RRM2: variants seen among roughly 807,000 people sequenced by gnomAD.
The protein encoded by RRM2 is ribonucleoside-diphosphate reductase subunit M2.
Under a neutral mutation model 45.9 loss-of-function variants are expected in RRM2, and 6 were observed. That is an observed-to-expected ratio of 0.13 (90% confidence interval 0.07 to 0.26). The LOEUF (loss-of-function observed/expected upper bound fraction) is 0.26. Among genes scored for constraint, RRM2 ranks in the 10% least tolerant of loss-of-function variants. RRM2 has a pLI of 1.00. For synonymous variants in RRM2, 177 were observed against 173.0 expected (o/e 1.02, Z -0.18); for missense variants, 343 against 489.5 (o/e 0.70, Z 2.82).
At chr2:10,154,332 C>G (rs1156330360) in intron 3 of RRM2, among the ~76,000 whole-genome samples, 2 of 148,284 alleles carry the variant, frequency 1.3e-5, no homozygotes, top group Non-Finnish European at 3.0e-5. Context: ...CAAAAATTAG[C>G]TGGGTGTGGT....
intron 4 of RRM2, 68 bp from the exon 5 acceptor site, chr2:10,124,649 C>T: frequency 6.4e-7 from 1 of 1,565,816 alleles, no homozygotes; most frequent in South Asian, 1.1e-5. Context: ...GCGATGCTGC[C>T]AGTATCCGTT....
downstream of RRM2, among the ~76,000 whole-genome samples, chr2:10,134,127 G>C (rs895294705): frequency 6.9e-6 from 1 of 144,632 alleles, no homozygotes; most frequent in Non-Finnish European, 1.5e-5. Context: ...GTAGTGAGCT[G>C]AGATTGCACT....
chr2:10,133,508 G>T (rs924421931), downstream of RRM2, among the ~76,000 whole-genome samples: 4 of 152,160 alleles, frequency 2.6e-5, no homozygotes, highest in Non-Finnish European at 5.9e-5. Flanking sequence ...CCTGATAATG[G>T]TTTAACTCCT....
At chr2:10,209,403 G>A (rs1341222022) in intron 3 of RRM2, among the ~76,000 whole-genome samples, 2 of 152,006 alleles carry the variant, frequency 1.3e-5, no homozygotes, top group Non-Finnish European at 2.9e-5. Flanking sequence ...CTGCTCCCCT[G>A]CCCCACACAC....
At chr2:10,198,786 G>C (rs573691947) in intron 3 of RRM2, 3 of 152,216 alleles carry the variant, frequency 2.0e-5, no homozygotes, top group Non-Finnish European at 1.5e-5. Flanking sequence ...TAAGGGTTTA[G>C]GGAGGGAGAG....
chr2:10,164,460 A>G (rs1663639558), intron 3 of RRM2, among the ~76,000 whole-genome samples: 1 of 152,212 alleles, frequency 6.6e-6, no homozygotes, highest in African/African-American at 2.4e-5. Context: ...GCTGAGGGTC[A>G]CTGTAACGAC....
chr2:10,193,562 G>A (rs1013018821), intron 3 of RRM2, among the ~76,000 whole-genome samples: 7 of 152,238 alleles, frequency 4.6e-5, no homozygotes, highest in African/African-American at 1.7e-4. Flanking sequence ...TCCTGCTCAG[G>A]GGCGGAGGGC....
Position 10,122,744 on chromosome 2 carries a change from C to CCCTGTCCCAGCCGT in RRM2, c.-47_-34dup, listed in dbSNP as rs1181951702. ...GCTGGAGTGAGGGGTCGCCCGTGCA[C>CCCTGTCCCAGCCGT]CCTGTCCCAGCCGTCCTGTCCTGGC... On this transcript the variant is annotated 5_prime_UTR_variant, in exon 1 of 10. Coordinates refer to ENST00000304567, the MANE Select transcript of RRM2 (RefSeq NM_001034.4). The CCCTGTCCCAGCCGT allele has an allele frequency of 1.3e-6, 2 of 1,554,836 alleles. No homozygotes were observed. The highest frequency in any genetic ancestry group is 2.4e-5 in the East Asian group (1 of 41,474).
rs1354198857 is a variant in RRM2 at position 10,122,825 on chromosome 2, G to A, written c.27G>A (p.Ala9=). MLSLRVPL[A]PITDPQQLQL... is the part of the protein sequence containing the mutation. ...TGCTCTCCCTCCGTGTCCCGCTCGC[G>A]CCCATCACGGACCCGCAGCAGCTGC... The change falls in exon 1 of 10, where the codon GCG becomes GCA. Residue 9 remains alanine, a synonymous_variant. Coordinates refer to ENST00000304567, the MANE Select transcript of RRM2 (RefSeq NM_001034.4). The A allele has an allele frequency of 3.1e-6, 5 of 1,598,070 alleles. No individual in the cohort carries two copies. Among genetic ancestry groups the A allele is most frequent in the Non-Finnish European group, 4.3e-6 (5 of 1,174,018 alleles).
chr2:10,197,067 C>T (rs940787825), intron 3 of RRM2, among the ~76,000 whole-genome samples: 3 of 152,232 alleles, frequency 2.0e-5, no homozygotes, highest in South Asian at 2.1e-4. Flanking sequence ...CAGCTTGGCC[C>T]GTGCCTCTGC....
chr2:10,161,566 A>G (rs1449278372), intron 3 of RRM2, among the ~76,000 whole-genome samples: 4 of 151,982 alleles, frequency 2.6e-5, no homozygotes, highest in Non-Finnish European at 2.9e-5. Flanking sequence ...AAATACATAC[A>G]CTATTTAAAA....
At chr2:10,177,171 G>A (rs1486096240) in intron 3 of RRM2, among the ~76,000 whole-genome samples, 2 of 152,024 alleles carry the variant, frequency 1.3e-5, no homozygotes, top group African/African-American at 2.4e-5. Flanking sequence ...GCTTGAACCC[G>A]GGAGTTGAAG....
At chr2:10,151,460 C>A (rs546593062) in intron 3 of RRM2, among the ~76,000 whole-genome samples, 7 of 151,844 alleles carry the variant, frequency 4.6e-5, no homozygotes, top group Admixed American at 2.0e-4. Context: ...AACAGCCCAG[C>A]TAATTTTTTT....
Position 10,129,341 on chromosome 2 carries a change from G to A in RRM2, c.1125G>A (p.Met375Ile). The A allele has an allele frequency of 3.1e-6, 5 of 1,614,060 alleles. No homozygotes were observed. Among genetic ancestry groups the A allele is most frequent in the Non-Finnish European group, 4.2e-6 (5 of 1,180,004 alleles). The change falls in exon 10 of 10, where the codon ATG (methionine) becomes ATA (isoleucine). Residue 375 changes from methionine (M) to isoleucine (I), a missense_variant. Around this residue, in one of 2 missense-constraint regions of RRM2, gnomAD observed 212 missense variants for 368.1 expected, o/e 0.58. Coordinates refer to ENST00000304567, the MANE Select transcript of RRM2 (RefSeq NM_001034.4). The surrounding 1 kb of genome is among the most constrained non-coding windows in gnomAD (Gnocchi z 4.8). Reference protein sequence around the residue: ...RVGEYQRMGVMSSPTENSFTL... With the variant: ...RVGEYQRMGVISSPTENSFTL... ...GCGAGTATCAGAGGATGGGAGTGATGTCAAGTCCAACAGAGAATTCTTTTA... is the reference window on the plus strand; with the variant it reads ...GCGAGTATCAGAGGATGGGAGTGATATCAAGTCCAACAGAGAATTCTTTTA...
At chr2:10,141,173 GC>G (rs1663072516), upstream of RRM2, among the ~76,000 whole-genome samples, 1 of 152,156 alleles carries the variant, frequency 6.6e-6, no homozygotes, top group African/African-American at 2.4e-5. Flanking sequence ...AAAGAGGTCG[GC>G]CAATGGGGGC....
rs1197909321 is a variant in RRM2, at chr2:10,128,930, T to A, written c.881T>A (p.Ile294Asn). The A allele has an allele frequency of 6.2e-7, 1 of 1,614,000 alleles. No homozygotes were observed. The highest frequency in any genetic ancestry group is 1.1e-5 in the South Asian group (1 of 91,082). ...PSEERVREII[I>N]NAVRIEQEFL... ...GAGGAGAGAGTAAGAGAAATAATTA[T>A]CAATGCTGTTCGGATAGAACAGGTA... is the stretch of plus-strand genomic sequence containing the variant. The change falls in exon 8 of 10, where the codon ATC (isoleucine) becomes AAC (asparagine). Residue 294 changes from isoleucine to asparagine, a missense_variant. This residue lies in a region of RRM2 where 212 missense variants were observed against 368.1 expected (regional missense o/e 0.58). Transcript: ENST00000304567.
intron 3 of RRM2, among the ~76,000 whole-genome samples, chr2:10,161,398 C>T (rs1423450218): frequency 1.3e-5 from 2 of 152,164 alleles, no homozygotes; most frequent in Admixed American, 1.3e-4. Flanking sequence ...ACTTTGACTT[C>T]CTTATTGCAG....
intron 3 of RRM2, among the ~76,000 whole-genome samples, chr2:10,208,055 A>C (rs1664695781): frequency 6.6e-6 from 1 of 152,230 alleles, no homozygotes; most frequent in African/African-American, 2.4e-5. Flanking sequence ...TTGTTCTTGT[A>C]TAAATGAATA....
chr2:10,166,945 T>C lies in RRM2; in HGVS notation n.482+24570T>C, dbSNP rs560689531. 1.1e-4 allele frequency among the ~76,000 whole-genome samples: 17 copies of C among 152,360 alleles called. 1 individual carries two copies. In the South Asian group the frequency reaches 3.5e-3, roughly 32 times the overall value. ...CCCTGTTAGGAAACAAGTGTGTCTG[T>C]ACGTGCCACTTATGATGGGGACAGG... On this transcript the variant is annotated intron_variant and non_coding_transcript_variant, in intron 3 of 3. Coordinates refer to the RRM2 transcript ENST00000381786.
Sources: gnomAD v4.1 joint callset for allele counts (sites outside exome capture counted in the v4.1 genomes callset) on GRCh38, gnomAD v4.1.1 for gene constraint, gnomAD v4.1.1 regional missense constraint, Gnocchi (gnomAD v3.1) non-coding constraint, MANE v1.5 for transcripts, NCBI Gene and HGNC (gene_info 2026-07-23, HGNC 2026-07-21) for gene names.